XRN1: variants seen among roughly 807,000 people sequenced by gnomAD.
XRN1 encodes the protein strand-exchange protein 1 homolog.
XRN1 carries 67 observed loss-of-function variants against 222.3 expected under a neutral mutation model. The observed-to-expected ratio is 0.30, with a 90% CI of 0.25 to 0.37. The LOEUF (loss-of-function observed/expected upper bound fraction) is 0.37, where lower values mean the gene tolerates loss of function less well. Ranked by LOEUF, XRN1 falls within the 10% of genes least tolerant of loss-of-function variation. The pLI is 1.00. For synonymous variants in XRN1, 643 were observed against 652.4 expected (o/e 0.99, Z 0.22); for missense variants, 1,707 against 2,000.2 (o/e 0.85, Z 2.80).
At chr3:142,313,021 A>T in intron 39 of XRN1, 3 of 1,228,692 alleles carry the variant, frequency 2.4e-6, no homozygotes, top group Non-Finnish European at 3.4e-6. Context: ...TCATATGCTG[A>T]TACAAGTTTT....
intron 19 of XRN1, among the ~76,000 whole-genome samples, chr3:142,398,103 G>C (rs2067995121): frequency 2.0e-5 from 3 of 152,040 alleles, no homozygotes; most frequent in South Asian, 4.1e-4. Context: ...AAATATGCCA[G>C]GTATGGTAAC....
rs114471357 is a variant in XRN1 at position 142,444,124 on chromosome 3, T to C, written c.75+3746A>G. Among the ~76,000 whole-genome samples the C allele has an allele frequency of 8.1e-4, 123 of 152,102 alleles. 2 individuals are homozygous for C. The highest frequency in any genetic ancestry group is 2.8e-3 in the African/African-American group (118 of 41,494). ...TCAGGGGAGAGGTGGGAAAGGTTAA[T>C]GGGTATAAAAGAAAAACTGAAAGAA... is the stretch of plus-strand genomic sequence containing the variant. On this transcript the variant is annotated intron_variant, in intron 1 of 40. Coordinates refer to ENST00000392981, the MANE Select transcript of XRN1 (RefSeq NM_001282857.2).
chr3:142,362,574 C>A (rs1340209084), intron 29 of XRN1, among the ~76,000 whole-genome samples: 2 of 149,156 alleles, frequency 1.3e-5, no homozygotes, highest in Middle Eastern at 3.5e-3. Context: ...GCCTTTTTTT[C>A]TTCGTCCCCC....
At chr3:142,400,848 C>T (rs1238075493) in intron 18 of XRN1, among the ~76,000 whole-genome samples, 4 of 152,004 alleles carry the variant, frequency 2.6e-5, no homozygotes, top group African/African-American at 4.8e-5. Context: ...ACCCAGGAGG[C>T]GGAGGTTGCA....
At chr3:142,367,945 GA>G (rs5853069) in intron 27 of XRN1, among the ~76,000 whole-genome samples, 147,639 of 149,424 alleles carry the variant, frequency 0.99, 72,940 homozygotes, top group East Asian at 1. Flanking sequence ...AATCCTGAAA[GA>G]AAAAAAAAAA....
At position 142,344,883 on chromosome 3, in the gene XRN1, G is replaced by T. The variant is rs370185937; in HGVS notation, c.3877+2351C>A. ...AAAAATTCCAGCTGCCATTTTTGCAGAAATAGGCAAGATGATCATAAAATT... is the reference window on the plus strand; with the variant it reads ...AAAAATTCCAGCTGCCATTTTTGCATAAATAGGCAAGATGATCATAAAATT... On this transcript the variant is annotated intron_variant, in intron 33 of 40. Coordinates refer to ENST00000392981, the MANE Select transcript of XRN1 (RefSeq NM_001282857.2). Among the ~76,000 whole-genome samples, 13 of 152,208 alleles carry T rather than the reference G, an allele frequency of 8.5e-5. No individual in the cohort carries two copies. In the East Asian group the frequency reaches 1.5e-3, roughly 18 times the overall value.
intron 28 of XRN1, 26 bp from the exon 29 acceptor site, chr3:142,365,205 T>C (rs918362826): frequency 1.3e-5 from 21 of 1,584,774 alleles, no homozygotes; most frequent in African/African-American, 5.5e-5. Context: ...CTATTAATTA[T>C]AATAAACAAA....
intron 25 of XRN1, among the ~76,000 whole-genome samples, chr3:142,373,152 G>T: frequency 6.6e-6 from 1 of 152,060 alleles, no homozygotes. Flanking sequence ...TATCTTCAGA[G>T]AAATAAATGA....
chr3:142,422,819 CTTTA>C lies in XRN1; in HGVS notation c.798+12_798+15del. ...TGCAATGGAAATCCTTGGTCCATGG[CTTTA>C]TTAATACTTACTTTTAATACTGAAA... On this transcript the variant is annotated intron_variant, in intron 7 of 40. Transcript: ENST00000392981. 1.2e-6 allele frequency: 2 copies of C among 1,605,068 alleles called. No homozygotes were observed. The highest frequency in any genetic ancestry group is 2.2e-5 in the South Asian group (2 of 89,888).
rs891787438 is a variant in XRN1, at chr3:142,307,957, T to C, written c.*3554A>G. ...ATTGTCTTCTACAGTAAAAACAAAA[T>C]TTGGAAGCAACATGATACCAAGAAA... On this transcript the variant is annotated 3_prime_UTR_variant, in exon 41 of 41. Coordinates refer to ENST00000392981, the MANE Select transcript of XRN1 (RefSeq NM_001282857.2). 1 of 152,136 alleles carries C rather than the reference T, an allele frequency of 6.6e-6. No individual in the cohort carries two copies. The highest frequency in any genetic ancestry group is 1.5e-5 in the Non-Finnish European group (1 of 68,026). 9.4% of individuals were successfully genotyped at this position (152,136 alleles called of 1,614,324 possible). A position where few individuals can be genotyped will look rare whatever the true frequency, so the allele number is the denominator to read the frequency against.
At position 142,380,199 on chromosome 3, in the gene XRN1, C is replaced by T; in HGVS notation, c.2617-19G>A. 1 of 1,576,452 alleles carries T rather than the reference C, an allele frequency of 6.3e-7. No individual in the cohort carries two copies. The highest frequency in any genetic ancestry group is 8.7e-7 in the Non-Finnish European group (1 of 1,147,058). On this transcript the variant is annotated intron_variant, in intron 22 of 40. Coordinates refer to ENST00000392981, the MANE Select transcript of XRN1 (RefSeq NM_001282857.2). Reference sequence around the variant, plus strand: ...CCTGAACCTTAGAAGAAAAAAAAATCACAGTATAGTCTCTTTCAGTACATT... The same window carrying T: ...CCTGAACCTTAGAAGAAAAAAAAATTACAGTATAGTCTCTTTCAGTACATT...
At chr3:142,324,593 T>C (rs1202344460) in intron 37 of XRN1, among the ~76,000 whole-genome samples, 1 of 144,436 alleles carries the variant, frequency 6.9e-6, no homozygotes, top group African/African-American at 2.5e-5. Flanking sequence ...TGTTTTATAA[T>C]CCTTTGGGTA....
intron 2 of XRN1, among the ~76,000 whole-genome samples, chr3:142,428,689 G>A (rs999236804): frequency 6.6e-6 from 1 of 152,196 alleles, no homozygotes; most frequent in Non-Finnish European, 1.5e-5. Context: ...TTTTGGATTA[G>A]GTAGCTAGTG....
chr3:142,421,026 T>C lies in XRN1; in HGVS notation c.1163A>G (p.Lys388Arg), dbSNP rs779713923. ...TAAAAAAATAGACACCTTTAACTTT[T>C]TCTTTTCCTTGTAGTTCCTGGCTTC... Reference protein sequence around the residue: ...AEEARNYKEKKKLKGQENSLC... With the variant: ...AEEARNYKEKRKLKGQENSLC... Residue 388 changes from lysine to arginine, a missense_variant, in exon 10 of 41, where the codon AAA becomes AGA. Lys to Arg is a conservative substitution (Grantham distance 26). Coordinates refer to ENST00000392981, the MANE Select transcript of XRN1 (RefSeq NM_001282857.2). 1 of 1,614,020 alleles carries C rather than the reference T, an allele frequency of 6.2e-7. No individual in the cohort carries two copies. Among genetic ancestry groups the C allele is most frequent in the Non-Finnish European group, 8.5e-7 (1 of 1,179,976 alleles).
intron 20 of XRN1, among the ~76,000 whole-genome samples, chr3:142,390,835 T>C (rs924699433): frequency 6.6e-6 from 1 of 152,162 alleles, no homozygotes; most frequent in Non-Finnish European, 1.5e-5. Flanking sequence ...CCTAGAAACA[T>C]GTGATTCTTC....
chr3:142,425,161 G>C, intron 5 of XRN1, 61 bp downstream of exon 5: 1 of 1,186,728 alleles, frequency 8.4e-7, no homozygotes, highest in South Asian at 2.3e-5. Flanking sequence ...TGTACAAAAT[G>C]AAATCTCTTA....
intron 25 of XRN1, among the ~76,000 whole-genome samples, chr3:142,373,968 C>T (rs938286950): frequency 2.6e-5 from 4 of 151,974 alleles, no homozygotes; most frequent in South Asian, 2.1e-4. Context: ...GGTGACAGAG[C>T]GAGACTGACT....
chr3:142,414,358 C>A, intron 13 of XRN1, 67 bp from the exon 14 acceptor site: 2 of 1,191,754 alleles, frequency 1.7e-6, no homozygotes. Flanking sequence ...TAAACATATA[C>A]TTTTCCCCAT....
intron 20 of XRN1, 145 bp from the exon 21 acceptor site, chr3:142,384,830 C>A: frequency 1.7e-6 from 1 of 580,362 alleles, no homozygotes; most frequent in East Asian, 3.1e-5. Context: ...TTCCAGGTAC[C>A]TAACTTGAGA....
Sources: gnomAD v4.1 joint callset for allele counts (sites outside exome capture counted in the v4.1 genomes callset) on GRCh38, gnomAD v4.1.1 for gene constraint, MANE v1.5 for transcripts, NCBI Gene and HGNC (gene_info 2026-07-23, HGNC 2026-07-21) for gene names.